AKAP6: variants seen among roughly 807,000 people sequenced by gnomAD.
AKAP6 encodes the protein A-kinase anchor protein 6.
Under a neutral mutation model 188.5 loss-of-function variants are expected in AKAP6, and 58 were observed. That is an observed-to-expected ratio of 0.31 (90% CI 0.25 to 0.38). The LOEUF is 0.38. Among genes scored for constraint, AKAP6 ranks in the 10% least tolerant of loss-of-function variants. The pLI is 1.00. For synonymous variants in AKAP6, 989 were observed against 998.6 expected (o/e 0.99, Z 0.18); for missense variants, 2,710 against 2,740.0 (o/e 0.99, Z 0.24).
chr14:32,347,556 A>G (rs1387125634), intron 1 of AKAP6, among the ~76,000 whole-genome samples: 4 of 152,260 alleles, frequency 2.6e-5, no homozygotes, highest in Non-Finnish European at 5.9e-5. Context: ...AATAAATTAC[A>G]GAGCTTGTAA....
At chr14:32,567,405 C>T (rs753169657) in intron 4 of AKAP6, among the ~76,000 whole-genome samples, 81 of 152,144 alleles carry the variant, frequency 5.3e-4, no homozygotes, top group Non-Finnish European at 9.7e-4. Context: ...CTTCTTGGCT[C>T]CCATGACAGT....
intron 8 of AKAP6, chr14:32,693,602 C>T (rs1890271586): frequency 1.3e-5 from 2 of 152,172 alleles, no homozygotes; most frequent in African/African-American, 2.4e-5. Context: ...TTTTTCTCAA[C>T]CTGTCTCACA....
chr14:32,681,507 C>G lies in AKAP6; in HGVS notation c.2879+3048C>G, dbSNP rs2139649032. On this transcript the variant is annotated intron_variant, in intron 8 of 13. Transcript: ENST00000280979. Reference sequence around the variant, plus strand: ...CTCTTAATAAGCTTTTCCCCCAAATCTGGTGTTGTGCATATTCCATACTGT... The same window carrying G: ...CTCTTAATAAGCTTTTCCCCCAAATGTGGTGTTGTGCATATTCCATACTGT... 1.3e-5 allele frequency among the ~76,000 whole-genome samples: 2 copies of G among 152,230 alleles called. 1 individual carries two copies. Among genetic ancestry groups the G allele is most frequent in the Admixed American group, 1.3e-4 (2 of 15,292 alleles).
chr14:32,687,609 T>G (rs1394196699), intron 8 of AKAP6, among the ~76,000 whole-genome samples: 1 of 152,184 alleles, frequency 6.6e-6, no homozygotes, highest in Non-Finnish European at 1.5e-5. Flanking sequence ...GTGCCAATGT[T>G]GATAACAGTC....
intron 11 of AKAP6, among the ~76,000 whole-genome samples, chr14:32,761,754 G>T (rs926278087): frequency 6.6e-6 from 1 of 152,100 alleles, no homozygotes; most frequent in East Asian, 1.9e-4. Context: ...TACTGACGGG[G>T]TGTATGGCAC....
rs1011779631 is a variant in AKAP6 at position 32,681,186 on chromosome 14, A to G, written c.2879+2727A>G. 7.9e-5 allele frequency among the ~76,000 whole-genome samples: 12 copies of G among 152,336 alleles called. No individual in the cohort carries two copies. In the East Asian group the frequency reaches 2.3e-3, roughly 29 times the overall value. ...ACAATTACTTTCTGTATATTTTGTA[A>G]AGTATAACCATCTCTTTTTCAGATA... is the stretch of plus-strand genomic sequence containing the variant. On this transcript the variant is annotated intron_variant, in intron 8 of 13. Coordinates refer to ENST00000280979, the MANE Select transcript of AKAP6 (RefSeq NM_004274.5).
chr14:32,621,596 G>A (rs532509120), intron 7 of AKAP6, among the ~76,000 whole-genome samples: 1 of 151,918 alleles, frequency 6.6e-6, no homozygotes, highest in Non-Finnish European at 1.5e-5. Context: ...CCTATCATAT[G>A]GTCTATCTTG....
chr14:32,630,707 T>C (rs1566614968), intron 7 of AKAP6, among the ~76,000 whole-genome samples: 1 of 152,116 alleles, frequency 6.6e-6, no homozygotes, highest in Non-Finnish European at 1.5e-5. Context: ...GTAAAGTCTA[T>C]GTAACAATGT....
At position 32,743,208 on chromosome 14, in the gene AKAP6, A is replaced by G. The variant is rs549310128; in HGVS notation, c.3372+7326A>G. Among the ~76,000 whole-genome samples, 6 of 152,078 alleles carry G rather than the reference A, an allele frequency of 3.9e-5. No individual in the cohort carries two copies. The East Asian group carries it at 1.2e-3, about 29-fold the overall frequency. Reference sequence around the variant, plus strand: ...CTACTCCTCCTCTTTTTTGGTTTCCACTGGCATGGAATCTTTTTCTGTCCC... The same window carrying G: ...CTACTCCTCCTCTTTTTTGGTTTCCGCTGGCATGGAATCTTTTTCTGTCCC... On this transcript the variant is annotated intron_variant, in intron 11 of 13. Transcript: ENST00000280979.
chr14:32,520,796 A>G (rs1881788233), intron 2 of AKAP6, among the ~76,000 whole-genome samples: 1 of 152,218 alleles, frequency 6.6e-6, no homozygotes, highest in Non-Finnish European at 1.5e-5. Flanking sequence ...TCCTTCTGAA[A>G]CTATTCCAAT....
At chr14:32,674,773 G>A (rs923332835) in intron 7 of AKAP6, among the ~76,000 whole-genome samples, 2 of 152,126 alleles carry the variant, frequency 1.3e-5, no homozygotes, top group Non-Finnish European at 2.9e-5. Flanking sequence ...TTAGAGAAGA[G>A]GATTGGAAGG....
At chr14:32,694,394 A>G (rs1485146949) in intron 8 of AKAP6, among the ~76,000 whole-genome samples, 2 of 150,740 alleles carry the variant, frequency 1.3e-5, no homozygotes, top group East Asian at 3.9e-4. Context: ...TGGTCCATGG[A>G]CCAGCAGTGT....
chr14:32,402,513 C>G (rs572281030), intron 1 of AKAP6, among the ~76,000 whole-genome samples: 2 of 152,296 alleles, frequency 1.3e-5, no homozygotes, highest in Admixed American at 1.3e-4. Flanking sequence ...TTCATGACCT[C>G]TTTTGAAGCC....
At chr14:32,668,758 GT>G (rs1889055538) in intron 7 of AKAP6, among the ~76,000 whole-genome samples, 1 of 151,952 alleles carries the variant, frequency 6.6e-6, no homozygotes, top group Admixed American at 6.6e-5. Flanking sequence ...TTTATGATTA[GT>G]TTTGTGATTA....
chr14:32,735,608 T>G (rs1318107601), intron 10 of AKAP6, 50 bp from the exon 11 acceptor site: 2 of 1,395,190 alleles, frequency 1.4e-6, no homozygotes, highest in East Asian at 4.6e-5. Context: ...TTCGTGGGGT[T>G]TTTTTTTGTT....
At chr14:32,483,802 T>G (rs1362071709) in intron 2 of AKAP6, among the ~76,000 whole-genome samples, 1 of 152,042 alleles carries the variant, frequency 6.6e-6, no homozygotes, top group Non-Finnish European at 1.5e-5. Flanking sequence ...TATTGTACTT[T>G]AAGTTCTGGG....
Position 32,822,795 on chromosome 14 carries a change from G to A in AKAP6, c.4982G>A (p.Ser1661Asn). ...KRSVSDITLQ[S>N]SSQKMSFTGQ... The stretch of plus-strand genomic sequence containing the variant: ...AGTGTTTCTGATATCACTCTTCAAA[G>A]CAGTTCCCAAAAGATGTCCTTTACT... The change falls in exon 13 of 14, where the codon AGC (serine) becomes AAC (asparagine). Residue 1661 changes from serine (S) to asparagine (N), a missense_variant. Coordinates refer to ENST00000280979, the MANE Select transcript of AKAP6 (RefSeq NM_004274.5). 2 of 1,613,928 alleles carry A rather than the reference G, an allele frequency of 1.2e-6. No individual in the cohort carries two copies. The highest frequency in any genetic ancestry group is 1.7e-6 in the Non-Finnish European group (2 of 1,179,928).
chr14:32,683,235 T>C (rs571875997), intron 8 of AKAP6, among the ~76,000 whole-genome samples: 2 of 152,106 alleles, frequency 1.3e-5, no homozygotes, highest in South Asian at 4.2e-4. Flanking sequence ...CTCAAGTGAT[T>C]CACCCACCTC....
chr14:32,514,881 C>T (rs1333301487), intron 2 of AKAP6, among the ~76,000 whole-genome samples: 1 of 152,126 alleles, frequency 6.6e-6, no homozygotes, highest in East Asian at 1.9e-4. Context: ...CCTCTCAGGA[C>T]ATTAATCCTG....
Sources: allele counts gnomAD v4.1 joint callset (sites outside exome capture counted in the v4.1 genomes callset), GRCh38; gene constraint gnomAD v4.1.1; transcripts MANE v1.5; gene names NCBI Gene and HGNC (gene_info 2026-07-23, HGNC 2026-07-21).